CPNE4: variants seen among roughly 807,000 people sequenced by gnomAD.
The protein encoded by CPNE4 is copine 4.
In CPNE4, 25 loss-of-function variants were observed where a neutral mutation model predicts 67.9. The observed-to-expected ratio is 0.37, with a 90% CI of 0.27 to 0.51. The LOEUF (loss-of-function observed/expected upper bound fraction) is 0.51. CPNE4 is among the 20% of genes least tolerant of loss of function. The pLI, the probability that CPNE4 is intolerant of heterozygous loss-of-function variation, is 0.93. For synonymous variants in CPNE4, 242 were observed against 244.9 expected, an observed-to-expected ratio of 0.99 and a Z score of 0.11; for missense variants, 464 against 690.8, an observed-to-expected ratio of 0.67 and a Z score of 3.68.
chr3:131,742,987 GAATT>G (rs1334731632), intron 2 of CPNE4, among the ~76,000 whole-genome samples: 1 of 151,972 alleles, frequency 6.6e-6, no homozygotes, highest in African/African-American at 2.4e-5. Flanking sequence ...ACTAGAGGAT[GAATT>G]AATAAAGATA....
chr3:131,898,631 G>A (rs1178716111), intron 2 of CPNE4, among the ~76,000 whole-genome samples: 2 of 152,004 alleles, frequency 1.3e-5, no homozygotes, highest in African/African-American at 4.8e-5. Flanking sequence ...AGTCACATAT[G>A]CAATCCAGTA....
intron 1 of CPNE4, among the ~76,000 whole-genome samples, chr3:131,945,882 G>A (rs1021711676): frequency 2.0e-5 from 3 of 152,172 alleles, no homozygotes; most frequent in Non-Finnish European, 1.5e-5. Flanking sequence ...CACTGCCCGC[G>A]TGGAGGCCAG....
chr3:131,660,973 A>G (rs1279937828), intron 7 of CPNE4, among the ~76,000 whole-genome samples: 2 of 152,232 alleles, frequency 1.3e-5, no homozygotes, highest in Admixed American at 6.5e-5. Flanking sequence ...AACAAAAATA[A>G]GTCCCTAAGA....
chr3:131,778,731 G>T (rs544964562), intron 2 of CPNE4, among the ~76,000 whole-genome samples: 4 of 151,986 alleles, frequency 2.6e-5, no homozygotes, highest in African/African-American at 9.7e-5. Flanking sequence ...TTTCTCTCAG[G>T]AATGAGAATA....
chr3:131,906,533 G>A (rs1156848267), intron 1 of CPNE4, among the ~76,000 whole-genome samples: 3 of 151,456 alleles, frequency 2.0e-5, no homozygotes, highest in East Asian at 1.9e-4. Context: ...ATAGTTTACT[G>A]AGAATGATGG....
intron 14 of CPNE4, among the ~76,000 whole-genome samples, chr3:131,544,828 G>A (rs12637694): frequency 0.027 from 4,178 of 152,210 alleles, 64 homozygotes; most frequent in Middle Eastern, 0.058. Flanking sequence ...GTGGGCCCTC[G>A]AGTGAATCAC....
chr3:131,787,081 T>C (rs2083585015), intron 2 of CPNE4, among the ~76,000 whole-genome samples: 1 of 152,180 alleles, frequency 6.6e-6, no homozygotes. Flanking sequence ...TGCTAATTGA[T>C]GCACCCATCA....
rs1292285849 is a variant in CPNE4, at chr3:131,792,890, C to A, written c.181-69265G>T. 3.9e-5 allele frequency among the ~76,000 whole-genome samples: 3 copies of A among 77,760 alleles called. No individual in the cohort carries two copies. The East Asian group carries it at 1.5e-3, about 40-fold the overall frequency. 51.0% of individuals were successfully genotyped at this position (77,760 alleles called of 152,430 possible). A position where few individuals can be genotyped will look rare whatever the true frequency, so the allele number is the denominator to read the frequency against. ...ATATATATTTACAGTGTAGGTATTT[C>A]CAGTGTGTGTGTGTGTGTGTGTGTG... is the stretch of plus-strand genomic sequence containing the variant. On this transcript the variant is annotated intron_variant, in intron 2 of 15. Coordinates refer to ENST00000429747, the MANE Select transcript of CPNE4 (RefSeq NM_130808.3).
At chr3:131,554,633 C>A (rs951295413) in intron 12 of CPNE4, among the ~76,000 whole-genome samples, 1 of 152,142 alleles carries the variant, frequency 6.6e-6, no homozygotes, top group Non-Finnish European at 1.5e-5. Flanking sequence ...AAAAGGATAC[C>A]TAAGGGGAAA....
chr3:131,659,405 T>C (rs16837388), intron 7 of CPNE4, among the ~76,000 whole-genome samples: 52,859 of 151,970 alleles, frequency 0.35, 9,692 homozygotes, highest in African/African-American at 0.45. Context: ...GATTAAATAA[T>C]GTGAGGAAAC....
intron 7 of CPNE4, among the ~76,000 whole-genome samples, chr3:131,589,954 G>C (rs575390810): frequency 1.3e-5 from 2 of 152,192 alleles, no homozygotes; most frequent in Non-Finnish European, 2.9e-5. Flanking sequence ...CAAGACATGA[G>C]AATTGAGAAG....
intron 2 of CPNE4, among the ~76,000 whole-genome samples, chr3:131,863,993 T>G (rs986390267): frequency 6.6e-6 from 1 of 152,178 alleles, no homozygotes; most frequent in Admixed American, 6.5e-5. Context: ...TTTTGTCAGG[T>G]TTGTCAAAGA....
intron 2 of CPNE4, among the ~76,000 whole-genome samples, chr3:131,728,149 G>A (rs74832274): frequency 0.014 from 2,064 of 152,172 alleles, 44 homozygotes; most frequent in East Asian, 0.042. Context: ...TTTAATTTTC[G>A]TTTTCCTAAA....
chr3:132,015,996 T>C (rs1164696712), intron 1 of CPNE4, among the ~76,000 whole-genome samples: 1 of 152,244 alleles, frequency 6.6e-6, no homozygotes, highest in Non-Finnish European at 1.5e-5. Flanking sequence ...ACATTTGCTA[T>C]GAAAACATCC....
At chr3:131,924,522 A>C (rs1254892007) in intron 1 of CPNE4, among the ~76,000 whole-genome samples, 2 of 152,184 alleles carry the variant, frequency 1.3e-5, no homozygotes, top group African/African-American at 4.8e-5. Flanking sequence ...CCCAGGAATC[A>C]CTTGGAGATC....
At chr3:131,602,607 A>G (rs1280432386) in intron 7 of CPNE4, among the ~76,000 whole-genome samples, 2 of 152,260 alleles carry the variant, frequency 1.3e-5, no homozygotes, top group African/African-American at 2.4e-5. Context: ...AGGCTCCCAA[A>G]TGCTTGTCCA....
intron 7 of CPNE4, among the ~76,000 whole-genome samples, chr3:131,596,570 C>T (rs1328403607): frequency 2.1e-5 from 2 of 93,354 alleles, no homozygotes; most frequent in African/African-American, 5.1e-5. Flanking sequence ...TGCAGTGAGC[C>T]GAGATCCCGC....
intron 1 of CPNE4, among the ~76,000 whole-genome samples, chr3:132,028,850 T>C (rs559381351): frequency 3.3e-5 from 5 of 151,940 alleles, no homozygotes; most frequent in Admixed American, 2.6e-4. Context: ...GAATGTAAAA[T>C]ATCTCAATAA....
intron 2 of CPNE4, among the ~76,000 whole-genome samples, chr3:131,885,331 ATTTC>A (rs1175802980): frequency 2.2e-5 from 3 of 133,846 alleles, no homozygotes; most frequent in Non-Finnish European, 3.5e-5. Flanking sequence ...GGTGGGAGAA[ATTTC>A]TTTTTTTTTT....
Sources: gnomAD v4.1 joint callset for allele counts (sites outside exome capture counted in the v4.1 genomes callset) on GRCh38, gnomAD v4.1.1 for gene constraint, MANE v1.5 for transcripts, NCBI Gene and HGNC (gene_info 2026-07-23, HGNC 2026-07-21) for gene names.